The following TRPM3 variants were observed in gnomAD, a reference collection of about 807,000 sequenced individuals.
TRPM3 encodes transient receptor potential cation channel subfamily M member 3, also known as long transient receptor potential channel 3.
In TRPM3, 77 loss-of-function variants were observed where a neutral mutation model predicts 181.2. The ratio of observed to expected loss-of-function variants is 0.42; its 90% CI spans 0.35 to 0.51. TRPM3 has a LOEUF of 0.51. Among genes scored for constraint, TRPM3 ranks in the 20% least tolerant of loss-of-function variants. The pLI, the probability that TRPM3 is intolerant of heterozygous loss-of-function variation, is 0.01. For synonymous variants in TRPM3, 745 were observed against 796.4 expected (o/e 0.94, Z 1.09); for missense variants, 1,759 against 2,196.7 (o/e 0.80, Z 3.98).
chr9:70,623,809 T>C (rs2064017910), intron 14 of TRPM3, among the ~76,000 whole-genome samples: 1 of 152,172 alleles, frequency 6.6e-6, no homozygotes, highest in Non-Finnish European at 1.5e-5. Context: ...TACTGAACTA[T>C]TATGGGTTGT....
At chr9:70,541,730 T>C (rs1400871350) in intron 25 of TRPM3, among the ~76,000 whole-genome samples, 1 of 152,124 alleles carries the variant, frequency 6.6e-6, no homozygotes, top group African/African-American at 2.4e-5. Context: ...AGGCTTGTCT[T>C]GAACTCCCGA....
chr9:71,355,682 T>C (rs1023297994), intron 1 of TRPM3, among the ~76,000 whole-genome samples: 40 of 152,166 alleles, frequency 2.6e-4, no homozygotes, highest in Non-Finnish European at 2.9e-5. Flanking sequence ...AGTACATGTA[T>C]TATTTGTGGG....
chr9:70,750,979 A>C (rs2076034315), intron 8 of TRPM3, among the ~76,000 whole-genome samples: 1 of 121,966 alleles, frequency 8.2e-6, no homozygotes, highest in Non-Finnish European at 1.7e-5. Flanking sequence ...GATATTACCA[A>C]GAAAAAAAAA....
chr9:71,100,945 C>T (rs1400577261), intron 1 of TRPM3, among the ~76,000 whole-genome samples: 1 of 152,130 alleles, frequency 6.6e-6, no homozygotes, highest in Non-Finnish European at 1.5e-5. Context: ...TGGCAAGTGA[C>T]ATGACTTATT....
At chr9:71,444,959 GA>G (rs2094184033) in intron 1 of TRPM3, among the ~76,000 whole-genome samples, 1 of 152,192 alleles carries the variant, frequency 6.6e-6, no homozygotes, top group Non-Finnish European at 1.5e-5. Flanking sequence ...GTTTTTAACT[GA>G]ATTACTAATG....
intron 3 of TRPM3, among the ~76,000 whole-genome samples, chr9:70,854,182 T>C (rs554532848): frequency 6.6e-6 from 1 of 152,310 alleles, no homozygotes; most frequent in Non-Finnish European, 1.5e-5. Context: ...AGTCTATTAA[T>C]TGCAAAGGGC....
rs73469322 is a variant in TRPM3, at chr9:71,246,256, T to A, written c.183+200397A>T. ...ATCTCCAGGGCTTTTTAAGTGATTT[T>A]AAAAATTTTTTTCAAATCATTTGTA... On this transcript the variant is annotated intron_variant, in intron 1 of 24. Coordinates refer to the TRPM3 transcript ENST00000357533. 5.9e-5 allele frequency among the ~76,000 whole-genome samples: 9 copies of A among 152,268 alleles called. No individual in the cohort carries two copies. In the South Asian group the frequency reaches 8.3e-4, roughly 14 times the overall value.
chr9:71,323,408 T>C (rs375132589), intron 1 of TRPM3, among the ~76,000 whole-genome samples: 113 of 152,276 alleles, frequency 7.4e-4, no homozygotes, highest in African/African-American at 2.4e-3. Context: ...CATCTTCACA[T>C]TATCCTTTGA....
intron 22 of TRPM3, among the ~76,000 whole-genome samples, chr9:70,561,277 T>C (rs1340718291): frequency 6.6e-6 from 1 of 152,252 alleles, no homozygotes; most frequent in Admixed American, 6.5e-5. Flanking sequence ...AGAATGCCAT[T>C]AGCACAGCTG....
chr9:70,547,120 A>C (rs1482271156), intron 25 of TRPM3, among the ~76,000 whole-genome samples: 2 of 152,194 alleles, frequency 1.3e-5, no homozygotes, highest in African/African-American at 4.8e-5. Context: ...CCTTTTCCTA[A>C]GTCTTTTAGT....
intron 1 of TRPM3, among the ~76,000 whole-genome samples, chr9:71,178,001 C>A (rs984922690): frequency 6.7e-6 from 1 of 149,186 alleles, no homozygotes; most frequent in African/African-American, 2.5e-5. Context: ...AACCAAGATA[C>A]GATCTTAAAC....
At chr9:71,279,181 A>C (rs1351286791) in intron 1 of TRPM3, among the ~76,000 whole-genome samples, 5 of 152,170 alleles carry the variant, frequency 3.3e-5, no homozygotes, top group African/African-American at 1.2e-4. Flanking sequence ...TTTACTACAA[A>C]TATTTCCTTT....
intron 22 of TRPM3, among the ~76,000 whole-genome samples, chr9:70,565,101 T>C (rs2050201956): frequency 6.6e-6 from 1 of 152,208 alleles, no homozygotes; most frequent in South Asian, 2.1e-4. Flanking sequence ...TAAGCAGCTG[T>C]TGGCTCTTGT....
At chr9:71,326,692 A>G (rs977109672) in intron 1 of TRPM3, among the ~76,000 whole-genome samples, 25 of 152,208 alleles carry the variant, frequency 1.6e-4, no homozygotes, top group African/African-American at 6.0e-4. Flanking sequence ...AAAGAAGCTC[A>G]GGGATACCCT....
At chr9:71,161,334 G>T (rs1268172663) in intron 1 of TRPM3, among the ~76,000 whole-genome samples, 3 of 152,066 alleles carry the variant, frequency 2.0e-5, no homozygotes, top group Admixed American at 2.0e-4. Context: ...GAGCCCCATG[G>T]ACCCTAGAAG....
chr9:71,196,598 T>A (rs552637812), intron 1 of TRPM3, among the ~76,000 whole-genome samples: 21 of 152,070 alleles, frequency 1.4e-4, no homozygotes, highest in African/African-American at 4.6e-4. Flanking sequence ...CTCTCCTCCA[T>A]CTCTGACCCC....
intron 1 of TRPM3, among the ~76,000 whole-genome samples, chr9:71,300,337 A>T (rs2086656471): frequency 1.3e-5 from 2 of 152,106 alleles, no homozygotes; most frequent in South Asian, 2.1e-4. Context: ...CTGCTGATTA[A>T]TGGGCTAATA....
intron 1 of TRPM3, among the ~76,000 whole-genome samples, chr9:71,392,941 A>C (rs2093096553): frequency 6.6e-6 from 1 of 152,192 alleles, no homozygotes; most frequent in African/African-American, 2.4e-5. Flanking sequence ...TTTGGTAGGA[A>C]TATAGAACAA....
chr9:71,089,938 A>C (rs1565171798), intron 1 of TRPM3, among the ~76,000 whole-genome samples: 1 of 152,110 alleles, frequency 6.6e-6, no homozygotes, highest in African/African-American at 2.4e-5. Context: ...ATACACTAAC[A>C]CTTAAGATAG....
Sources: gnomAD v4.1 joint callset for allele counts (sites outside exome capture counted in the v4.1 genomes callset) on GRCh38, gnomAD v4.1.1 for gene constraint, MANE v1.5 for transcripts, NCBI Gene and HGNC (gene_info 2026-07-23, HGNC 2026-07-21) for gene names.